NPC1: variants seen among roughly 807,000 people sequenced by gnomAD.
The protein encoded by NPC1 is Niemann-Pick C1 protein.
A neutral mutation model predicts 140.4 loss-of-function variants in NPC1; 85 were observed. The ratio of observed to expected loss-of-function variants is 0.61; its 90% CI spans 0.51 to 0.72. The LOEUF (loss-of-function observed/expected upper bound fraction) is 0.72, where lower values mean the gene tolerates loss of function less well. Among genes scored for constraint, NPC1 ranks in the 30% least tolerant of loss-of-function variants. The pLI is 0.00. For synonymous variants in NPC1, 656 were observed against 624.8 expected, an observed-to-expected ratio of 1.05 and a Z score of -0.74; for missense variants, 1,504 against 1,623.8, an observed-to-expected ratio of 0.93 and a Z score of 1.27.
chr18:23,573,561 G>T lies in NPC1; in HGVS notation c.71C>A (p.Ser24Tyr). The change falls in exon 2 of 25, where the codon TCC (serine) becomes TAC (tyrosine). Residue 24 changes from serine to tyrosine, a missense_variant. By Grantham distance (144) the Ser-to-Tyr change is moderately radical (BLOSUM62 -2). Coordinates refer to ENST00000269228, the MANE Select transcript of NPC1 (RefSeq NM_000271.5). Reference protein sequence around the residue: ...LLCPAQVFSQSCVWYGECGIA... With the variant: ...LLCPAQVFSQYCVWYGECGIA... ...TCCACACTCTCCATACCAAACACAG[G>T]ACTGTGAAAACACCTACAGAAAGTC... is the stretch of plus-strand genomic sequence containing the variant. 1 of 1,614,120 alleles carries T rather than the reference G, an allele frequency of 6.2e-7. No individual in the cohort carries two copies. Among genetic ancestry groups the T allele is most frequent in the Non-Finnish European group, 8.5e-7 (1 of 1,180,014 alleles).
intron 16 of NPC1, among the ~76,000 whole-genome samples, 178 bp from the exon 17 acceptor site, chr18:23,540,715 TG>T (rs2058701838): frequency 6.6e-6 from 1 of 152,212 alleles, no homozygotes; most frequent in Non-Finnish European, 1.5e-5. Context: ...TCCAAATTCC[TG>T]GGTGCAAATC....
chr18:23,507,792 G>T (rs913307672), intron 3 of NPC1, among the ~76,000 whole-genome samples: 2 of 152,204 alleles, frequency 1.3e-5, no homozygotes, highest in Non-Finnish European at 2.9e-5. Context: ...AAATTGAATC[G>T]TAAGCCTGCT....
chr18:23,534,307 G>A, intron 23 of NPC1, 139 bp downstream of exon 23: 5 of 710,224 alleles, frequency 7.0e-6, no homozygotes, highest in Non-Finnish European at 1.0e-5. Context: ...CCACGATGTG[G>A]CAGCTAATTC....
At chr18:23,552,179 T>C (rs1194780900) in intron 9 of NPC1, among the ~76,000 whole-genome samples, 1 of 152,034 alleles carries the variant, frequency 6.6e-6, no homozygotes, top group African/African-American at 2.4e-5. Flanking sequence ...AAGTCCTGTA[T>C]GCCGGGTATG....
At chr18:23,557,483 C>T (rs1009234714) in intron 6 of NPC1, among the ~76,000 whole-genome samples, 14 of 152,166 alleles carry the variant, frequency 9.2e-5, no homozygotes, top group Admixed American at 6.5e-5. Flanking sequence ...GGGCTAGGCG[C>T]GGTGGCTCAC....
At chr18:23,576,923 A>C (rs935228677) in intron 1 of NPC1, 1 of 152,660 alleles carries the variant, frequency 6.6e-6, no homozygotes, top group Admixed American at 6.5e-5. Flanking sequence ...CTTCCACAGC[A>C]TGGAAGAGGA....
At chr18:23,552,891 T>A (rs2058893928) in intron 9 of NPC1, among the ~76,000 whole-genome samples, 1 of 152,144 alleles carries the variant, frequency 6.6e-6, no homozygotes, top group Non-Finnish European at 1.5e-5. Context: ...AATTCAGGGA[T>A]AAAGCCTCAA....
chr18:23,536,652 T>G, intron 21 of NPC1, 21 bp downstream of exon 21: 1 of 1,606,308 alleles, frequency 6.2e-7, no homozygotes, highest in Non-Finnish European at 8.5e-7. Context: ...GTAAACCCCA[T>G]TGAAAAAGGG....
intron 9 of NPC1, among the ~76,000 whole-genome samples, chr18:23,553,081 G>A (rs1340684978): frequency 6.6e-6 from 1 of 152,188 alleles, no homozygotes; most frequent in Non-Finnish European, 1.5e-5. Context: ...TTATGAGGAC[G>A]CGCACAAGCA....
At chr18:23,529,146 C>G (rs149825361), downstream of NPC1, 41 of 1,599,328 alleles carry the variant, frequency 2.6e-5, no homozygotes, top group Non-Finnish European at 1.7e-6. Flanking sequence ...TCTAAGATGC[C>G]GAAGATCATA....
At chr18:23,542,815 C>CA (rs2145390930) in intron 14 of NPC1, among the ~76,000 whole-genome samples, 1 of 152,290 alleles carries the variant, frequency 6.6e-6, no homozygotes. Flanking sequence ...AGTGGCTACT[C>CA]AAGGATGCCA....
Position 23,561,477 on chromosome 18 carries a change from C to A in NPC1, c.514G>T (p.Ala172Ser), listed in dbSNP as rs1448333382. 10 of 1,614,016 alleles carry A rather than the reference C, an allele frequency of 6.2e-6. No individual in the cohort carries two copies. Among genetic ancestry groups the A allele is most frequent in the Non-Finnish European group, 7.6e-6 (9 of 1,180,020 alleles). Residue 172 changes from alanine to serine, a missense_variant, in exon 5 of 25, where the codon GCC (alanine) becomes TCC (serine). Coordinates refer to ENST00000269228, the MANE Select transcript of NPC1 (RefSeq NM_000271.5). The stretch of plus-strand genomic sequence containing the variant: ...TCCTTCCCACACAGGAGTCCCAGGG[C>A]CTTGTCATTACTTGAGGGGGCCTCC... The part of the protein sequence containing the change: ...DVEAPSSNDK[A>S]LGLLCGKDAD...
chr18:23,540,816 A>G (rs1296672804), intron 16 of NPC1, among the ~76,000 whole-genome samples: 1 of 152,234 alleles, frequency 6.6e-6, no homozygotes, highest in Admixed American at 6.5e-5. Context: ...AGGAAAAATA[A>G]AAGTTTCTTT....
At position 23,516,534 on chromosome 18, in the gene NPC1, G is replaced by A. The variant is rs929850604; in HGVS notation, c.432-9892C>T. ...ATGCCCTGACCCCTAGAACACATAAGGAGGACTCCCCTTGTTCTGGGTATT... is the reference window on the plus strand; with the variant it reads ...ATGCCCTGACCCCTAGAACACATAAAGAGGACTCCCCTTGTTCTGGGTATT... On this transcript the variant is annotated intron_variant, in intron 3 of 3. Coordinates refer to the NPC1 transcript ENST00000591107. The A allele has an allele frequency of 1.2e-5, 13 of 1,069,680 alleles. No homozygotes were observed. In the African/African-American group the frequency reaches 1.4e-4, roughly 12 times the overall value. The allele number at this position is 1,069,680 out of a possible 1,614,324, so 66.3% of individuals were successfully genotyped here. A position where few individuals can be genotyped will look rare whatever the true frequency, so the allele number is the denominator to read the frequency against.
At chr18:23,506,878 C>T (rs2057730169) in intron 3 of NPC1, 3 of 892,878 alleles carry the variant, frequency 3.4e-6, no homozygotes, top group Non-Finnish European at 3.6e-6. Flanking sequence ...TTTGCTGCCT[C>T]CTGAATATAG....
chr18:23,534,405 T>C (rs1159179163), intron 23 of NPC1, 41 bp downstream of exon 23: 3 of 1,302,464 alleles, frequency 2.3e-6, no homozygotes, highest in Non-Finnish European at 3.3e-6. Context: ...GATTACTTTG[T>C]GGTGCGACTC....
At chr18:23,571,035 C>T (rs1313514631) in intron 3 of NPC1, among the ~76,000 whole-genome samples, 1 of 152,102 alleles carries the variant, frequency 6.6e-6, no homozygotes, top group Non-Finnish European at 1.5e-5. Context: ...ACCTCTCTTC[C>T]CCACAGTGCA....
Position 23,586,318 on chromosome 18 carries a change from C to A in NPC1, c.26G>T (p.Gly9Val). ...TGGACACAGTAGCAGCAGGAGGAGG[C>A]CAAGGGCCAGGCCGCGAGCGGTCAT... MTARGLAL[G>V]LLLLLLCPAQ... The change falls in exon 1 of 25, where the codon GGC (glycine) becomes GTC (valine). Residue 9 changes from glycine (G) to valine (V), a missense_variant. Physicochemically the swap from Gly to Val is moderately radical, Grantham distance 109. Transcript: ENST00000269228. The A allele has an allele frequency of 6.5e-7, 1 of 1,534,056 alleles. No homozygotes were observed. Among genetic ancestry groups the A allele is most frequent in the Non-Finnish European group, 8.7e-7 (1 of 1,146,266 alleles).
rs562046615 is a variant in NPC1, at chr18:23,576,022, G to A, written c.58-2448C>T. 7.9e-5 allele frequency among the ~76,000 whole-genome samples: 12 copies of A among 152,128 alleles called. No individual in the cohort carries two copies. In the South Asian group the frequency reaches 1.9e-3, roughly 24 times the overall value. ...GTGAATCACCTGAGGTCAGGAGTTC[G>A]AGACCAGCCTGACCGACATGGAGAA... On this transcript the variant is annotated intron_variant, in intron 1 of 24. Transcript: ENST00000269228.
Sources: allele counts gnomAD v4.1 joint callset (sites outside exome capture counted in the v4.1 genomes callset), GRCh38; gene constraint gnomAD v4.1.1; transcripts MANE v1.5; gene names NCBI Gene and HGNC (gene_info 2026-07-23, HGNC 2026-07-21).